Variants in PKIA observed in about 807,000 individuals in gnomAD.
PKIA encodes the protein cAMP-dependent protein kinase inhibitor alpha, also known as PKI-alpha.
A neutral mutation model predicts 7.6 loss-of-function variants in PKIA; 4 were observed. That is an observed-to-expected ratio of 0.52 (90% CI 0.26 to 1.20). The LOEUF is 1.20. PKIA is among the 50% of genes most tolerant of loss of function. The pLI is 0.13. For missense variants in PKIA, 73 were observed against 86.2 expected (o/e 0.85, Z 0.61); for synonymous variants, 21 against 30.7 (o/e 0.68, Z 1.04).
At chr8:78,547,489 C>T (rs527836541) in intron 1 of PKIA, among the ~76,000 whole-genome samples, 1 of 152,244 alleles carries the variant, frequency 6.6e-6, no homozygotes, top group East Asian at 1.9e-4. Flanking sequence ...TATGACTTCT[C>T]TATAATTAAT....
At chr8:78,571,703 T>G (rs921135062) in intron 1 of PKIA, among the ~76,000 whole-genome samples, 23 of 152,082 alleles carry the variant, frequency 1.5e-4, no homozygotes, top group African/African-American at 5.3e-4. Flanking sequence ...ACTCCTGAGT[T>G]TCCTTGCTCA....
intron 2 of PKIA, among the ~76,000 whole-genome samples, chr8:78,597,145 G>C (rs1483487707): frequency 6.6e-6 from 1 of 151,858 alleles, no homozygotes; most frequent in African/African-American, 2.4e-5. Flanking sequence ...TTTTGCTTAG[G>C]GTTGCTTTGG....
intron 2 of PKIA, among the ~76,000 whole-genome samples, chr8:78,595,052 A>C (rs1448289212): frequency 3.9e-5 from 6 of 152,144 alleles, no homozygotes; most frequent in African/African-American, 1.4e-4. Flanking sequence ...TAGAGCCAGA[A>C]ATTTCTAGTT....
intron 2 of PKIA, among the ~76,000 whole-genome samples, chr8:78,579,525 T>C (rs1807757592): frequency 6.6e-6 from 1 of 152,068 alleles, no homozygotes; most frequent in South Asian, 2.1e-4. Flanking sequence ...CTGGAAGACC[T>C]GTAAGATTCC....
intron 1 of PKIA, among the ~76,000 whole-genome samples, chr8:78,562,353 A>G (rs569100910): frequency 1.9e-4 from 29 of 152,282 alleles, no homozygotes; most frequent in African/African-American, 6.3e-4. Context: ...TTTTATTTTT[A>G]TAGGAGACTC....
intron 1 of PKIA, among the ~76,000 whole-genome samples, chr8:78,545,371 T>C (rs562430905): frequency 6.6e-6 from 1 of 152,222 alleles, no homozygotes; most frequent in South Asian, 2.1e-4. Context: ...AAAAATTTCA[T>C]AGAAAAGGCA....
chr8:78,550,676 A>G (rs551254729), intron 1 of PKIA, among the ~76,000 whole-genome samples: 11 of 152,074 alleles, frequency 7.2e-5, no homozygotes, highest in Middle Eastern at 3.4e-3. Flanking sequence ...TAATTTTTTC[A>G]TAGGTTTTTG....
At chr8:78,517,261 ATGAAATATCC>A (rs1302891790) in intron 1 of PKIA, among the ~76,000 whole-genome samples, 1 of 152,158 alleles carries the variant, frequency 6.6e-6, no homozygotes, top group African/African-American at 2.4e-5. Flanking sequence ...AATGCATGGA[ATGAAATATCC>A]TGCTTGTGGC....
At chr8:78,565,068 C>T (rs938332204) in intron 1 of PKIA, among the ~76,000 whole-genome samples, 2 of 151,652 alleles carry the variant, frequency 1.3e-5, no homozygotes, top group African/African-American at 2.4e-5. Context: ...CTGATTATTA[C>T]GTCTTACATT....
At chr8:78,577,621 T>C (rs1401214326) in intron 2 of PKIA, among the ~76,000 whole-genome samples, 1 of 152,008 alleles carries the variant, frequency 6.6e-6, no homozygotes, top group Non-Finnish European at 1.5e-5. Flanking sequence ...CTACAATTTA[T>C]ATACTAAACT....
chr8:78,577,728 TA>T (rs1807709025), intron 2 of PKIA, among the ~76,000 whole-genome samples: 1 of 152,048 alleles, frequency 6.6e-6, no homozygotes, highest in African/African-American at 2.4e-5. Flanking sequence ...TGATATGCTG[TA>T]ATAGAATGAA....
intron 1 of PKIA, among the ~76,000 whole-genome samples, chr8:78,524,043 TATAA>T (rs1219644871): frequency 1.5e-5 from 2 of 133,332 alleles, no homozygotes; most frequent in African/African-American, 2.8e-5. Context: ...CGTTTATATA[TATAA>T]ATATATATAA....
intron 2 of PKIA, among the ~76,000 whole-genome samples, chr8:78,588,480 C>CA (rs1354290083): frequency 5.3e-5 from 8 of 151,194 alleles, no homozygotes; most frequent in Non-Finnish European, 1.2e-4. Flanking sequence ...AATTGCATCT[C>CA]AAAAAAAATA....
At chr8:78,525,542 A>C (rs1809525804) in intron 1 of PKIA, among the ~76,000 whole-genome samples, 1 of 152,066 alleles carries the variant, frequency 6.6e-6, no homozygotes, top group African/African-American at 2.4e-5. Flanking sequence ...AAGAAAAATC[A>C]CTAACAGTTT....
At chr8:78,599,266 C>G (rs1808300192) in intron 3 of PKIA, among the ~76,000 whole-genome samples, 1 of 152,014 alleles carries the variant, frequency 6.6e-6, no homozygotes, top group African/African-American at 2.4e-5. Context: ...GAATGTGTTT[C>G]CCTGAGAAGA....
intron 1 of PKIA, among the ~76,000 whole-genome samples, chr8:78,554,313 G>T (rs1807073399): frequency 1.3e-5 from 2 of 151,982 alleles, no homozygotes; most frequent in African/African-American, 2.4e-5. Context: ...AAATAGTAGG[G>T]AAGACACTGT....
chr8:78,600,158 G>A (rs1808319645), intron 3 of PKIA, among the ~76,000 whole-genome samples: 1 of 151,516 alleles, frequency 6.6e-6, no homozygotes, highest in Non-Finnish European at 1.5e-5. Context: ...CCAAAACCAG[G>A]AACAGTATAC....
intron 1 of PKIA, among the ~76,000 whole-genome samples, chr8:78,522,456 T>A (rs949146634): frequency 6.6e-6 from 1 of 151,872 alleles, no homozygotes; most frequent in Non-Finnish European, 1.5e-5. Context: ...TTATAGACTA[T>A]AAAAATCCTA....
At position 78,568,585 on chromosome 8, in the gene PKIA, T is replaced by G. The variant is rs149364109; in HGVS notation, c.-156-4226T>G. ...AAATAGTGAAAACTGGAAGGCAGAC[T>G]TACTTCGGGACTTAAGAAATGACCT... On this transcript the variant is annotated intron_variant, in intron 1 of 3. Transcript: ENST00000396418. Among the ~76,000 whole-genome samples the G allele has an allele frequency of 5.3e-3, 807 of 152,226 alleles. 23 individuals carry two copies. Among genetic ancestry groups the G allele is most frequent in the Admixed American group, 0.051 (778 of 15,284 alleles).
Sources: allele counts gnomAD v4.1 joint callset (sites outside exome capture counted in the v4.1 genomes callset), GRCh38; gene constraint gnomAD v4.1.1; transcripts MANE v1.5; gene names NCBI Gene and HGNC (gene_info 2026-07-23, HGNC 2026-07-21).